Variants in UGT1A10 observed in about 807,000 individuals in gnomAD.
The protein encoded by UGT1A10 is UDP-glucuronosyltransferase 1A10.
A neutral mutation model predicts 45.8 loss-of-function variants in UGT1A10; 49 were observed. The ratio of observed to expected loss-of-function variants is 1.07; its 90% CI spans 0.85 to 1.36. UGT1A10 has a LOEUF of 1.36. UGT1A10 is among the 40% of genes most tolerant of loss of function. The probability of loss-of-function intolerance (pLI) is 0.00; values close to 1 mark genes in which losing one functional copy is unlikely to be tolerated. For missense variants in UGT1A10, 745 were observed against 668.6 expected (o/e 1.11, Z -1.26); for synonymous variants, 284 against 249.7 (o/e 1.14, Z -1.29).
At chr2:233,687,056 G>A (rs2074820824) in intron 1 of UGT1A10, among the ~76,000 whole-genome samples, 1 of 152,178 alleles carries the variant, frequency 6.6e-6, no homozygotes, top group African/African-American at 2.4e-5. Context: ...GGACCCTGGA[G>A]TCCTCCAAGC....
chr2:233,693,484 T>C (rs1575449694), intron 1 of UGT1A10: 1 of 1,614,198 alleles, frequency 6.2e-7, no homozygotes, highest in East Asian at 2.2e-5. Context: ...TGATCCTGGC[T>C]GAGTATTTGG....
At chr2:233,762,315 G>T (rs565893517) in intron 1 of UGT1A10, among the ~76,000 whole-genome samples, 1 of 152,334 alleles carries the variant, frequency 6.6e-6, no homozygotes, top group South Asian at 2.1e-4. Context: ...TTAATGGGTC[G>T]AGAGTAATCC....
At chr2:233,738,810 A>G (rs1410873326) in intron 1 of UGT1A10, 1 of 152,272 alleles carries the variant, frequency 6.6e-6, no homozygotes. Flanking sequence ...CTAGCTAAAG[A>G]AATTTGAATA....
At chr2:233,648,143 G>A (rs1233273124) in intron 1 of UGT1A10, 37 of 1,280,444 alleles carry the variant, frequency 2.9e-5, no homozygotes, top group South Asian at 5.0e-5. Context: ...GCAGAAGTAC[G>A]ACGCTTATTT....
chr2:233,692,728 T>C (rs2075111664), intron 1 of UGT1A10: 2 of 919,958 alleles, frequency 2.2e-6, no homozygotes, highest in Non-Finnish European at 2.9e-6. Context: ...TGCTATAACT[T>C]TTCAGAGAGG....
intron 1 of UGT1A10, chr2:233,690,853 CT>C (rs2075018701): frequency 9.4e-7 from 1 of 1,064,618 alleles, no homozygotes; most frequent in Admixed American, 4.9e-5. Flanking sequence ...TTTCTAATAC[CT>C]TCTTAATTTG....
At chr2:233,724,615 G>A (rs2077289109) in intron 1 of UGT1A10, among the ~76,000 whole-genome samples, 1 of 137,470 alleles carries the variant, frequency 7.3e-6, no homozygotes, top group South Asian at 2.8e-4. Flanking sequence ...GCCGGGCAGA[G>A]ACGCTCCTCA....
At chr2:233,751,162 T>C (rs1694655523) in intron 1 of UGT1A10, among the ~76,000 whole-genome samples, 1 of 151,980 alleles carries the variant, frequency 6.6e-6, no homozygotes, top group South Asian at 2.1e-4. Flanking sequence ...GGCATCAGCA[T>C]GACCTAGATA....
At chr2:233,765,711 T>TTAATAATAATAA (rs10664358) in intron 1 of UGT1A10, among the ~76,000 whole-genome samples, 10 of 149,240 alleles carry the variant, frequency 6.7e-5, no homozygotes, top group East Asian at 2.0e-4. Flanking sequence ...ATAATAATAA[T>TTAATAATAATAA]TAATAATAAT....
At chr2:233,664,376 T>G (rs1023458355) in intron 1 of UGT1A10, among the ~76,000 whole-genome samples, 1 of 152,224 alleles carries the variant, frequency 6.6e-6, no homozygotes, top group Non-Finnish European at 1.5e-5. Flanking sequence ...GTACCAATTT[T>G]CTATTAGTAC....
intron 1 of UGT1A10, among the ~76,000 whole-genome samples, chr2:233,725,606 C>T (rs1199312835): frequency 2.0e-5 from 3 of 152,058 alleles, no homozygotes; most frequent in South Asian, 4.1e-4. Context: ...ATAGTTTTTT[C>T]TTGCTAAGTC....
chr2:233,663,235 G>C (rs1420632634), intron 1 of UGT1A10, among the ~76,000 whole-genome samples: 1 of 152,192 alleles, frequency 6.6e-6, no homozygotes. Flanking sequence ...AATTGCAATA[G>C]AGAAAGAGTA....
intron 1 of UGT1A10, among the ~76,000 whole-genome samples, chr2:233,676,167 T>C (rs764857188): frequency 4.6e-5 from 7 of 152,250 alleles, no homozygotes; most frequent in Non-Finnish European, 1.0e-4. Flanking sequence ...AAACCATTTG[T>C]GGAAATCATC....
At chr2:233,685,526 A>T (rs1365100073) in intron 1 of UGT1A10, among the ~76,000 whole-genome samples, 1 of 152,126 alleles carries the variant, frequency 6.6e-6, no homozygotes, top group African/African-American at 2.4e-5. Context: ...TGCTTTCCCC[A>T]TTGCTCTCGC....
chr2:233,702,350 T>A (rs764503296), intron 1 of UGT1A10, among the ~76,000 whole-genome samples: 41 of 151,378 alleles, frequency 2.7e-4, no homozygotes, highest in Non-Finnish European at 4.3e-4. Flanking sequence ...GTTCTAATAG[T>A]TTTTTTTTAG....
intron 1 of UGT1A10, among the ~76,000 whole-genome samples, chr2:233,659,829 T>A (rs1232559093): frequency 1.3e-5 from 2 of 152,230 alleles, no homozygotes; most frequent in Non-Finnish European, 2.9e-5. Flanking sequence ...CAGTCTTCAA[T>A]AATCGGAATC....
At chr2:233,713,778 A>G (rs1288878856) in intron 1 of UGT1A10, 1 of 1,613,946 alleles carries the variant, frequency 6.2e-7, no homozygotes, top group East Asian at 2.2e-5. Flanking sequence ...GGACTTTGTG[A>G]TGGATTACCC....
At chr2:233,715,060 A>AT (rs2076430472) in intron 1 of UGT1A10, among the ~76,000 whole-genome samples, 2 of 151,556 alleles carry the variant, frequency 1.3e-5, no homozygotes, top group African/African-American at 2.4e-5. Context: ...TTTTTTTTGT[A>AT]TTTTTTATGG....
At chr2:233,681,798 G>A in intron 1 of UGT1A10, 1 of 1,474,864 alleles carries the variant, frequency 6.8e-7, no homozygotes, top group Non-Finnish European at 9.0e-7. Context: ...TAAATCATTG[G>A]CAGTGAATGT....
Sources: gnomAD v4.1 joint callset for allele counts (sites outside exome capture counted in the v4.1 genomes callset) on GRCh38, gnomAD v4.1.1 for gene constraint, MANE v1.5 for transcripts, NCBI Gene and HGNC (gene_info 2026-07-23, HGNC 2026-07-21) for gene names.